SIPA1L3: variants seen among roughly 807,000 people sequenced by gnomAD.
The protein encoded by SIPA1L3 is signal induced proliferation associated 1 like 3.
SIPA1L3 carries 59 observed loss-of-function variants against 150.1 expected under a neutral mutation model. That is an observed-to-expected ratio of 0.39 (90% confidence interval 0.32 to 0.49). The LOEUF is 0.49. Among genes scored for constraint, SIPA1L3 ranks in the 20% least tolerant of loss-of-function variants. The pLI is 0.86. For synonymous variants in SIPA1L3, 1,070 were observed against 1,077.6 expected, an observed-to-expected ratio of 0.99 and a Z score of 0.14; for missense variants, 2,211 against 2,489.5, an observed-to-expected ratio of 0.89 and a Z score of 2.38.
intron 6 of SIPA1L3, among the ~76,000 whole-genome samples, chr19:38,104,254 T>C (rs1970570942): frequency 6.6e-6 from 1 of 152,250 alleles, no homozygotes. Flanking sequence ...GCTCCTCCGC[T>C]GAAGGAGGCT....
chr19:38,109,100 A>ACTTCC (rs879915002), intron 7 of SIPA1L3, among the ~76,000 whole-genome samples: 16 of 152,222 alleles, frequency 1.1e-4, no homozygotes, highest in Non-Finnish European at 1.8e-4. Context: ...GAGACTGACC[A>ACTTCC]GCAGGGGAGA....
intron 16 of SIPA1L3, among the ~76,000 whole-genome samples, chr19:38,188,458 A>G (rs1972735623): frequency 6.6e-6 from 1 of 151,606 alleles, no homozygotes. Flanking sequence ...TGCTGGGATT[A>G]CAGGCGTGAA....
chr19:38,195,246 G>A (rs1426062572), intron 18 of SIPA1L3, among the ~76,000 whole-genome samples: 1 of 152,106 alleles, frequency 6.6e-6, no homozygotes, highest in African/African-American at 2.4e-5. Context: ...TCTTCCCTCA[G>A]TCCTCTTCTG....
chr19:38,103,912 A>G (rs1970564412), intron 6 of SIPA1L3, among the ~76,000 whole-genome samples: 1 of 151,188 alleles, frequency 6.6e-6, no homozygotes, highest in African/African-American at 2.4e-5. Context: ...AAAAAAAAAA[A>G]AAAAAAAAAG....
At chr19:38,025,387 G>A (rs1377446916) in intron 1 of SIPA1L3, among the ~76,000 whole-genome samples, 1 of 152,210 alleles carries the variant, frequency 6.6e-6, no homozygotes, top group Non-Finnish European at 1.5e-5. Flanking sequence ...GTGGTAGAAA[G>A]TGGGGCCCTG....
At chr19:38,125,500 C>T (rs757759746) in intron 9 of SIPA1L3, among the ~76,000 whole-genome samples, 12 of 152,126 alleles carry the variant, frequency 7.9e-5, no homozygotes, top group South Asian at 2.1e-4. Context: ...CTACTGTTGG[C>T]GGAGTCCTTT....
At chr19:38,098,939 T>C (rs371387535) in intron 4 of SIPA1L3, among the ~76,000 whole-genome samples, 14 of 152,266 alleles carry the variant, frequency 9.2e-5, no homozygotes, top group East Asian at 5.8e-4. Context: ...GAATCACTGG[T>C]GGTGTCTTGT....
intron 9 of SIPA1L3, among the ~76,000 whole-genome samples, chr19:38,121,445 A>C (rs905020869): frequency 1.3e-5 from 2 of 151,134 alleles, no homozygotes; most frequent in Non-Finnish European, 3.0e-5. Context: ...CTCAAAAAAT[A>C]AAAATAAAAA....
chr19:38,035,857 A>G (rs576575345), intron 2 of SIPA1L3, among the ~76,000 whole-genome samples: 2 of 152,270 alleles, frequency 1.3e-5, no homozygotes, highest in African/African-American at 2.4e-5. Context: ...GTAACAGCCT[A>G]TAAGATAATA....
chr19:38,188,774 T>A (rs1277191023), intron 16 of SIPA1L3, among the ~76,000 whole-genome samples: 1 of 151,676 alleles, frequency 6.6e-6, no homozygotes, highest in Non-Finnish European at 1.5e-5. Flanking sequence ...TTAAAAAAAA[T>A]TAGCCGGGCG....
chr19:38,125,425 A>G (rs73930389), intron 9 of SIPA1L3, among the ~76,000 whole-genome samples: 4,414 of 152,248 alleles, frequency 0.029, 211 homozygotes, highest in African/African-American at 0.1. Flanking sequence ...GCCAGGCACC[A>G]TGCCAGGTGA....
chr19:38,020,260 G>A (rs1968343381), intron 1 of SIPA1L3, among the ~76,000 whole-genome samples: 1 of 152,176 alleles, frequency 6.6e-6, no homozygotes, highest in Non-Finnish European at 1.5e-5. Context: ...CTGAGGCACA[G>A]AGAGGGTAAG....
At chr19:38,112,175 GCA>G (rs1303642067) in intron 8 of SIPA1L3, among the ~76,000 whole-genome samples, 2 of 150,984 alleles carry the variant, frequency 1.3e-5, no homozygotes, top group East Asian at 3.9e-4. Flanking sequence ...ACATGCACAT[GCA>G]CACACATACA....
In SIPA1L3 at chr19:38,046,231, C is replaced by T. The variant is rs1969054205; in HGVS notation, c.-311+17075C>T. 2.0e-5 allele frequency among the ~76,000 whole-genome samples: 3 copies of T among 152,234 alleles called. No individual in the cohort carries two copies. The South Asian group carries it at 6.2e-4, about 32-fold the overall frequency. On this transcript the variant is annotated intron_variant, in intron 2 of 21. Coordinates refer to ENST00000222345, the MANE Select transcript of SIPA1L3 (RefSeq NM_015073.3). The surrounding 1 kb of genome is among the most constrained non-coding windows in gnomAD (Gnocchi z 5.6). ...TGGTCCATCCCAGGCTGCTGGGAGG[C>T]CCGAGAAACAGGTCACAGCAGCCCC...
chr19:38,190,664 G>T (rs1368828848), intron 16 of SIPA1L3, among the ~76,000 whole-genome samples: 1 of 152,164 alleles, frequency 6.6e-6, no homozygotes, highest in Non-Finnish European at 1.5e-5. Flanking sequence ...AGAAGTCCAG[G>T]CAAAAGCTTT....
At chr19:37,951,841 G>A (rs564421069) in intron 1 of SIPA1L3, among the ~76,000 whole-genome samples, 2 of 139,666 alleles carry the variant, frequency 1.4e-5, no homozygotes, top group African/African-American at 5.3e-5. Flanking sequence ...AGGCTGCAGT[G>A]AGCCGAGATC....
intron 1 of SIPA1L3, among the ~76,000 whole-genome samples, chr19:37,995,668 G>T (rs1471626903): frequency 6.6e-6 from 1 of 152,198 alleles, no homozygotes; most frequent in Non-Finnish European, 1.5e-5. Context: ...CCTGGGCAGA[G>T]GGCACAGAAT....
chr19:38,029,993 T>C (rs562412139), intron 2 of SIPA1L3, among the ~76,000 whole-genome samples: 1 of 152,216 alleles, frequency 6.6e-6, no homozygotes, highest in East Asian at 1.9e-4. Flanking sequence ...TAGCTGGGAT[T>C]ACAGGCCCCT....
rs1037753750 is a variant in SIPA1L3, at chr19:38,201,469, G to A, written c.4985-393G>A. On this transcript the variant is annotated intron_variant, in intron 19 of 21. Transcript: ENST00000222345. ...TTGTATAACGAATCCCCGTGGACCT[G>A]GCGCCAGCCCGTCCACTTTGTAACC... 1.7e-4 allele frequency among the ~76,000 whole-genome samples: 26 copies of A among 152,334 alleles called. 1 individual carries two copies. The highest frequency in any genetic ancestry group is 1.2e-3 in the Admixed American group (18 of 15,300).
Sources: allele counts gnomAD v4.1 joint callset (sites outside exome capture counted in the v4.1 genomes callset), GRCh38; gene constraint gnomAD v4.1.1; non-coding constraint Gnocchi (gnomAD v3.1); transcripts MANE v1.5; gene names NCBI Gene and HGNC (gene_info 2026-07-23, HGNC 2026-07-21).